GLIS3: variants seen among roughly 807,000 people sequenced by gnomAD.
GLIS3 encodes zinc finger protein GLIS3.
Under a neutral mutation model 78.6 loss-of-function variants are expected in GLIS3, and 53 were observed. The ratio of observed to expected loss-of-function variants is 0.67; its 90% CI spans 0.54 to 0.85. GLIS3 has a LOEUF of 0.85. Among genes scored for constraint, GLIS3 ranks in the 40% least tolerant of loss-of-function variants. GLIS3 has a pLI of 0.00. For synonymous variants in GLIS3, 684 were observed against 509.9 expected (o/e 1.34, Z -4.60); for missense variants, 1,703 against 1,231.1 (o/e 1.38, Z -5.74).
chr9:4,476,847 G>A, the GLIS3 span, among the ~76,000 whole-genome samples: 1 of 152,094 alleles, frequency 6.6e-6, no homozygotes, highest in Non-Finnish European at 1.5e-5. Flanking sequence ...GCTTAAATTT[G>A]AATTGATTCA....
chr9:4,321,147 G>A (rs1016119007), intron 2 of GLIS3, among the ~76,000 whole-genome samples: 7 of 151,302 alleles, frequency 4.6e-5, no homozygotes, highest in East Asian at 1.9e-4. Flanking sequence ...AAGGCCGGGC[G>A]CGGTGGCTCA....
chr9:4,232,743 T>C (rs12348139), intron 2 of GLIS3, among the ~76,000 whole-genome samples: 11,886 of 152,230 alleles, frequency 0.078, 479 homozygotes, highest in African/African-American at 0.098. Flanking sequence ...AGAAACGTTA[T>C]CTAATATTAA....
At position 4,312,690 on chromosome 9, in the gene GLIS3, C is replaced by T. The variant is rs141102787; in HGVS notation, n.265-2162G>A. ...CTTAGGCCTTTTCTATCCTTTCCCTCTCTGTTTTATGGCTCTGCTCACTTC... is the reference window on the plus strand; with the variant it reads ...CTTAGGCCTTTTCTATCCTTTCCCTTTCTGTTTTATGGCTCTGCTCACTTC... On this transcript the variant is annotated intron_variant and non_coding_transcript_variant, in intron 2 of 4. Coordinates refer to the GLIS3 transcript ENST00000471664. Among the ~76,000 whole-genome samples, 334 of 152,280 alleles carry T rather than the reference C, an allele frequency of 2.2e-3. 2 individuals carry two copies. The highest frequency in any genetic ancestry group is 7.8e-3 in the African/African-American group (324 of 41,526).
the GLIS3 span, among the ~76,000 whole-genome samples, chr9:4,441,487 T>C: frequency 6.6e-6 from 1 of 152,262 alleles, no homozygotes; most frequent in African/African-American, 2.4e-5. Context: ...TGGATTCATC[T>C]TGATCTCACT....
At chr9:4,472,011 C>G in the GLIS3 span, among the ~76,000 whole-genome samples, 1 of 152,188 alleles carries the variant, frequency 6.6e-6, no homozygotes, top group Non-Finnish European at 1.5e-5. Context: ...AAAAAATGCT[C>G]ATCATCACTG....
At chr9:4,321,414 T>C (rs1481092340) in intron 2 of GLIS3, among the ~76,000 whole-genome samples, 3 of 39,634 alleles carry the variant, frequency 7.6e-5, no homozygotes, top group Non-Finnish European at 1.1e-4. Context: ...AGAGCTAGAC[T>C]CCGTCTCAAA....
chr9:4,262,418 G>A (rs548498607), intron 2 of GLIS3, among the ~76,000 whole-genome samples: 4 of 152,184 alleles, frequency 2.6e-5, no homozygotes, highest in South Asian at 4.2e-4. Flanking sequence ...AGAGGGCAGC[G>A]GGATGGGGGC....
At chr9:3,969,803 G>A (rs1818246799) in intron 4 of GLIS3, among the ~76,000 whole-genome samples, 1 of 152,158 alleles carries the variant, frequency 6.6e-6, no homozygotes, top group Non-Finnish European at 1.5e-5. Context: ...CTAATGACAG[G>A]AAAGCTAGGC....
upstream of GLIS3, among the ~76,000 whole-genome samples, chr9:4,353,381 A>T (rs1485442967): frequency 6.6e-6 from 1 of 152,120 alleles, no homozygotes; most frequent in East Asian, 1.9e-4. Context: ...GCTTTCTTTA[A>T]ACTATGAGAA....
chr9:4,455,127 A>T, the GLIS3 span, among the ~76,000 whole-genome samples: 2 of 152,208 alleles, frequency 1.3e-5, no homozygotes, highest in African/African-American at 4.8e-5. Context: ...CAATATAAAA[A>T]GAGTACTCAT....
At position 4,240,891 on chromosome 9, in the gene GLIS3, T is replaced by C. The variant is rs1007536735; in HGVS notation, c.388+45147A>G. Among the ~76,000 whole-genome samples, 3 of 151,974 alleles carry C rather than the reference T, an allele frequency of 2.0e-5. No individual in the cohort carries two copies. The East Asian group carries it at 5.8e-4, about 29-fold the overall frequency. ...AAAGTGAAATAAAACTCCATATAAATAAAAATTAATGACACAGGAGGAAAA... is the reference window on the plus strand; with the variant it reads ...AAAGTGAAATAAAACTCCATATAAACAAAAATTAATGACACAGGAGGAAAA... On this transcript the variant is annotated intron_variant, in intron 2 of 10. Transcript: ENST00000381971.
chr9:3,867,538 T>C (rs568936886), intron 8 of GLIS3, among the ~76,000 whole-genome samples: 1 of 152,320 alleles, frequency 6.6e-6, no homozygotes, highest in East Asian at 1.9e-4. Flanking sequence ...CATTGAGAAG[T>C]ACCAGAAATT....
the GLIS3 span, among the ~76,000 whole-genome samples, chr9:4,359,725 C>T: frequency 6.6e-6 from 1 of 152,084 alleles, no homozygotes; most frequent in Non-Finnish European, 1.5e-5. Flanking sequence ...AATAAACAGA[C>T]ATTGATTTCT....
At chr9:4,197,466 C>T (rs1360807838) in intron 2 of GLIS3, among the ~76,000 whole-genome samples, 1 of 152,166 alleles carries the variant, frequency 6.6e-6, no homozygotes, top group African/African-American at 2.4e-5. Context: ...CCCCTGCCCC[C>T]ACCCCCAACT....
In GLIS3 at chr9:3,829,446, A is replaced by T. The variant is rs770768167; in HGVS notation, c.2520T>A (p.Asp840Glu). 3 of 1,614,112 alleles carry T rather than the reference A, an allele frequency of 1.9e-6. No homozygotes were observed. Among genetic ancestry groups the T allele is most frequent in the Non-Finnish European group, 1.7e-6 (2 of 1,180,000 alleles). The change falls in exon 10 of 11, where the codon GAT becomes GAA. Residue 840 changes from aspartate to glutamate, a missense_variant. Coordinates refer to ENST00000381971, the MANE Select transcript of GLIS3 (RefSeq NM_001042413.2). Reference protein sequence around the residue: ...LQKFCPPHYPDSQRIVPPVSS... With the variant: ...LQKFCPPHYPESQRIVPPVSS... ...TGACAGGCGGCACAATTCTCTGGGA[A>T]TCGGGGTAGTGTGGGGGACAGAACT...
At chr9:4,218,092 C>T (rs920676221) in intron 2 of GLIS3, among the ~76,000 whole-genome samples, 2 of 152,226 alleles carry the variant, frequency 1.3e-5, no homozygotes, top group Non-Finnish European at 2.9e-5. Context: ...TCCTGTTCCT[C>T]CACAATCTTA....
the GLIS3 span, among the ~76,000 whole-genome samples, chr9:4,401,862 G>A: frequency 6.6e-6 from 1 of 152,270 alleles, no homozygotes; most frequent in South Asian, 2.1e-4. Flanking sequence ...GAACCCCTGT[G>A]GACCAGTGGT....
chr9:4,198,062 G>A (rs1819030531), intron 2 of GLIS3, among the ~76,000 whole-genome samples: 1 of 152,134 alleles, frequency 6.6e-6, no homozygotes, highest in African/African-American at 2.4e-5. Flanking sequence ...CAGATGAGAA[G>A]GAACCAGTGC....
At chr9:4,010,010 TG>T (rs922069187) in intron 4 of GLIS3, among the ~76,000 whole-genome samples, 3 of 152,186 alleles carry the variant, frequency 2.0e-5, no homozygotes, top group African/African-American at 7.2e-5. Context: ...GTTGACATTT[TG>T]GGTTAAATAA....
Sources: gnomAD v4.1 joint callset for allele counts (sites outside exome capture counted in the v4.1 genomes callset) on GRCh38, gnomAD v4.1.1 for gene constraint, MANE v1.5 for transcripts, NCBI Gene and HGNC (gene_info 2026-07-23, HGNC 2026-07-21) for gene names.